PTRH1: variants seen among roughly 807,000 people sequenced by gnomAD.
The protein encoded by PTRH1 is peptidyl-tRNA hydrolase.
In PTRH1, 13 loss-of-function variants were observed where a neutral mutation model predicts 15.7. The ratio of observed to expected loss-of-function variants is 0.83; its 90% CI spans 0.54 to 1.31. The LOEUF (loss-of-function observed/expected upper bound fraction) is 1.31. Among genes scored for constraint, PTRH1 ranks in the 40% most tolerant of loss-of-function variants. The pLI is 0.00. For missense variants in PTRH1, 319 were observed against 296.2 expected, an observed-to-expected ratio of 1.08 and a Z score of -0.56; for synonymous variants, 139 against 136.7, an observed-to-expected ratio of 1.02 and a Z score of -0.12.
rs201274753 is a variant in PTRH1, at chr9:127,707,115, C to T, written c.205+8320G>A. ...GGGGCAAGAAGGAGCCGGTGGTGGC[C>T]GTGGAGCCGCCTCTGGCCAAGGAGA... On this transcript the variant is annotated intron_variant, in intron 1 of 2. Coordinates refer to the PTRH1 transcript ENST00000335223. 71 of 1,613,754 alleles carry T rather than the reference C, an allele frequency of 4.4e-5. No homozygotes were observed. The African/African-American group carries it at 6.8e-4, about 15-fold the overall frequency.
downstream of PTRH1, chr9:127,711,848 A>G: frequency 1.3e-6 from 2 of 1,576,234 alleles, no homozygotes; most frequent in Non-Finnish European, 1.7e-6. Context: ...AAGAAGTGCC[A>G]GGAGCAGCAG....
At chr9:127,699,386 G>A (rs968699968) in intron 1 of PTRH1, among the ~76,000 whole-genome samples, 14 of 152,226 alleles carry the variant, frequency 9.2e-5, no homozygotes, top group African/African-American at 3.4e-4. Flanking sequence ...CACCGGTCAC[G>A]CGGCGGATCA....
chr9:127,699,941 G>A (rs1469127363), intron 1 of PTRH1, among the ~76,000 whole-genome samples: 1 of 152,004 alleles, frequency 6.6e-6, no homozygotes, highest in Non-Finnish European at 1.5e-5. Flanking sequence ...AATGCCTCCC[G>A]AGACTGAGGC....
downstream of PTRH1, chr9:127,712,534 T>A (rs1842790207): frequency 6.6e-7 from 1 of 1,504,940 alleles, no homozygotes; most frequent in African/African-American, 1.4e-5. Context: ...AGGAGCTGGA[T>A]TCCTTCTCTG....
Position 127,715,467 on chromosome 9 carries a change from A to T in PTRH1, c.96+77T>A, listed in dbSNP as rs1188090192. 6.3e-7 allele frequency: 1 copy of T among 1,591,878 alleles called. No individual in the cohort carries two copies. Among genetic ancestry groups the T allele is most frequent in the South Asian group, 1.1e-5 (1 of 89,774 alleles). On this transcript the variant is annotated intron_variant, in intron 1 of 4. Transcript: ENST00000543175. The surrounding 1 kb of genome is among the most constrained non-coding windows in gnomAD (Gnocchi z 5.8). ...GAAAACAGAGCAGCAATTTGGGGGCACTCGGCTCCCGGGACATAATGGCCG... is the reference window on the plus strand; with the variant it reads ...GAAAACAGAGCAGCAATTTGGGGGCTCTCGGCTCCCGGGACATAATGGCCG...
At chr9:127,703,887 G>C (rs1486151438) in intron 1 of PTRH1, among the ~76,000 whole-genome samples, 1 of 152,154 alleles carries the variant, frequency 6.6e-6, no homozygotes, top group Non-Finnish European at 1.5e-5. Flanking sequence ...GGTGGGCCTT[G>C]TGGGAAAGTC....
Position 127,695,006 on chromosome 9 carries a change from C to T in PTRH1, c.341G>A (p.Arg114His), listed in dbSNP as rs560076971. 134 of 702,672 alleles carry T rather than the reference C, an allele frequency of 1.9e-4. 1 individual carries two copies. The highest frequency in any genetic ancestry group is 5.6e-4 in the Admixed American group (28 of 49,978). The allele number at this position is 702,672 out of a possible 1,614,324, so 43.5% of individuals were successfully genotyped here. A position where few individuals can be genotyped will look rare whatever the true frequency, so the allele number is the denominator to read the frequency against. ...TTCCCTCCTGTAGTGCCCGTGGAGG[C>T]GGGAAGCTGAGCCCGGCTCCCAGGA... The change falls in exon 2 of 3, where the codon CGC (arginine) becomes CAC (histidine). Residue 114 changes from arginine to histidine, a missense_variant. Arg to His is a conservative substitution (Grantham distance 29, BLOSUM62 0). Coordinates refer to the PTRH1 transcript ENST00000335223.
chr9:127,714,511 C>T (rs1789794414), intron 3 of PTRH1, 87 bp from the exon 4 acceptor site: 2 of 1,598,510 alleles, frequency 1.3e-6, no homozygotes, highest in South Asian at 2.2e-5. Context: ...CAGAGCAGCC[C>T]ATTTCCTGTG....
Position 127,715,408 on chromosome 9 carries a change from T to C in PTRH1, c.96+136A>G, listed in dbSNP as rs764607173. ...GTGCAGGAACGGAGCTTCAAGAAGT[T>C]TGGAGCCCGTCGAGCACTGAACTCA... On this transcript the variant is annotated intron_variant, in intron 1 of 4. Coordinates refer to ENST00000543175, the MANE Select transcript of PTRH1 (RefSeq NM_001002913.3). The surrounding 1 kb of genome is among the most constrained non-coding windows in gnomAD (Gnocchi z 5.8). The C allele has an allele frequency of 7.3e-7, 1 of 1,369,430 alleles. No homozygotes were observed. The highest frequency in any genetic ancestry group is 1.2e-5 in the South Asian group (1 of 81,020). 84.8% of individuals were successfully genotyped at this position (1,369,430 alleles called of 1,614,324 possible).
chr9:127,707,861 C>T (rs1030613996), intron 1 of PTRH1, among the ~76,000 whole-genome samples: 2 of 152,188 alleles, frequency 1.3e-5, no homozygotes, highest in African/African-American at 4.8e-5. Context: ...AACCAGTAGG[C>T]GGCAGCTCTT....
chr9:127,710,921 G>A (rs1404378777), downstream of PTRH1, among the ~76,000 whole-genome samples: 1 of 152,180 alleles, frequency 6.6e-6, no homozygotes, highest in Non-Finnish European at 1.5e-5. Flanking sequence ...TTATGGAGGG[G>A]TGGGAGAAAA....
downstream of PTRH1, chr9:127,711,562 G>A (rs1842765599): frequency 1.9e-6 from 3 of 1,562,684 alleles, no homozygotes; most frequent in East Asian, 2.2e-5. Context: ...TGGGGGCCCT[G>A]CAGGGGTAGA....
chr9:127,712,553 A>G (rs1588394925), downstream of PTRH1: 1 of 1,529,778 alleles, frequency 6.5e-7, no homozygotes. Flanking sequence ...TGAGGCTCTG[A>G]AAGGTCTTGG....
rs1324703008 is a variant in PTRH1 at position 127,705,477 on chromosome 9, T to C, written c.205+9958A>G. On this transcript the variant is annotated intron_variant, in intron 1 of 2. Coordinates refer to the PTRH1 transcript ENST00000335223. The surrounding 1 kb of genome is among the most constrained non-coding windows in gnomAD (Gnocchi z 4.7). ...CCACGTGGTGCTGACAAAGCCATCC[T>C]GGTGCTGATGAAGGCGAGGAGGGCA... Among the ~76,000 whole-genome samples, 1 of 152,232 alleles carries C rather than the reference T, an allele frequency of 6.6e-6. No homozygotes were observed. The highest frequency in any genetic ancestry group is 1.5e-5 in the Non-Finnish European group (1 of 68,050).
At chr9:127,710,802 G>C, downstream of PTRH1, 2 of 1,544,988 alleles carry the variant, frequency 1.3e-6, no homozygotes, top group Non-Finnish European at 8.8e-7. Flanking sequence ...TTCATCCCTG[G>C]GGCTACGAAC....
At chr9:127,696,580 C>G (rs904866615) in intron 1 of PTRH1, among the ~76,000 whole-genome samples, 2 of 152,094 alleles carry the variant, frequency 1.3e-5, no homozygotes, top group Non-Finnish European at 2.9e-5. Flanking sequence ...CATTATCATC[C>G]GGGTGCGGAG....
chr9:127,710,904 C>A, downstream of PTRH1: 3 of 944,974 alleles, frequency 3.2e-6, no homozygotes, highest in Non-Finnish European at 4.7e-6. Flanking sequence ...GGAATCCCAG[C>A]TGGTGATTAT....
intron 1 of PTRH1, chr9:127,707,319 C>T (rs1842668839): frequency 2.1e-6 from 2 of 944,782 alleles, no homozygotes; most frequent in African/African-American, 1.7e-5. Flanking sequence ...GTCCAGACCC[C>T]ATCCCGACCC....
At chr9:127,713,780 T>C (rs1220521020), downstream of PTRH1, 19 of 1,477,002 alleles carry the variant, frequency 1.3e-5, no homozygotes, top group Middle Eastern at 5.3e-4. Context: ...GTGCTGGGAT[T>C]ATAGGTGTGA....
Sources: allele counts gnomAD v4.1 joint callset (sites outside exome capture counted in the v4.1 genomes callset), GRCh38; gene constraint gnomAD v4.1.1; non-coding constraint Gnocchi (gnomAD v3.1); transcripts MANE v1.5; gene names NCBI Gene and HGNC (gene_info 2026-07-23, HGNC 2026-07-21).